The following CSMD1 variants were observed in gnomAD, a reference collection of about 807,000 sequenced individuals.
CSMD1 encodes CUB and sushi domain-containing protein 1.
CSMD1 carries 213 observed loss-of-function variants against 417.5 expected under a neutral mutation model. The observed-to-expected ratio is 0.51, with a 90% CI of 0.46 to 0.57. CSMD1 has a LOEUF of 0.57. Among genes scored for constraint, CSMD1 ranks in the 20% least tolerant of loss-of-function variants. The pLI is 0.00. For missense variants in CSMD1, 6,923 were observed against 4,529.7 expected, an observed-to-expected ratio of 1.53 and a Z score of -15.17; for synonymous variants, 2,862 against 1,736.8, an observed-to-expected ratio of 1.65 and a Z score of -16.11.
chr8:3,887,200 A>C (rs1211426463), intron 5 of CSMD1, among the ~76,000 whole-genome samples: 1 of 152,160 alleles, frequency 6.6e-6, no homozygotes, highest in African/African-American at 2.4e-5. Context: ...GCCCAGAGGC[A>C]ATCAGCGTCA....
chr8:4,820,505 G>T (rs17071587), intron 1 of CSMD1, among the ~76,000 whole-genome samples: 1 of 151,946 alleles, frequency 6.6e-6, no homozygotes, highest in Non-Finnish European at 1.5e-5. Flanking sequence ...TAAGGAAATG[G>T]CCAACCTCCT....
intron 12 of CSMD1, among the ~76,000 whole-genome samples, chr8:3,452,159 C>T (rs62505629): frequency 0.088 from 13,340 of 152,164 alleles, 641 homozygotes; most frequent in Middle Eastern, 0.13. Flanking sequence ...TTTTTGCACA[C>T]TGATTTTGTA....
At chr8:4,055,993 G>T (rs2554526) in intron 3 of CSMD1, among the ~76,000 whole-genome samples, 1 of 150,512 alleles carries the variant, frequency 6.6e-6, no homozygotes, top group Non-Finnish European at 1.5e-5. Context: ...AGAAGGCTCT[G>T]TTATGGAAAA....
intron 3 of CSMD1, among the ~76,000 whole-genome samples, chr8:4,290,362 G>T (rs190889828): frequency 3.3e-5 from 5 of 152,196 alleles, no homozygotes; most frequent in Admixed American, 2.0e-4. Flanking sequence ...CATCTGAATG[G>T]AGGGAGAGAA....
At chr8:4,186,637 A>AT (rs1158569283) in intron 3 of CSMD1, among the ~76,000 whole-genome samples, 26 of 152,236 alleles carry the variant, frequency 1.7e-4, no homozygotes, top group South Asian at 4.1e-4. Flanking sequence ...AGAGGCTATT[A>AT]TTTTTAGATG....
rs576639336 is a variant in CSMD1, at chr8:4,980,477, G to A, written c.85+13855C>T. On this transcript the variant is annotated intron_variant, in intron 1 of 69. Coordinates refer to ENST00000635120, the MANE Select transcript of CSMD1 (RefSeq NM_033225.6). ...CTTTCAAGAGGCCTGTGGGCCTCCT[G>A]GGAGAAACACTGTAAAATGAAAGGA... Among the ~76,000 whole-genome samples the A allele has an allele frequency of 4.6e-5, 7 of 152,276 alleles. 1 individual carries two copies. In the South Asian group the frequency reaches 1.5e-3, roughly 32 times the overall value.
At chr8:3,880,791 T>C (rs1806156981) in intron 5 of CSMD1, among the ~76,000 whole-genome samples, 2 of 152,198 alleles carry the variant, frequency 1.3e-5, no homozygotes, top group African/African-American at 2.4e-5. Flanking sequence ...ATGTATTTTC[T>C]TTTAGATGGT....
At chr8:4,765,900 A>G (rs1812432044) in intron 1 of CSMD1, among the ~76,000 whole-genome samples, 1 of 152,204 alleles carries the variant, frequency 6.6e-6, no homozygotes, top group Admixed American at 6.5e-5. Flanking sequence ...AAACATTTAT[A>G]TCATTAAATG....
intron 57 of CSMD1, among the ~76,000 whole-genome samples, chr8:2,966,994 T>G (rs907277886): frequency 6.6e-6 from 1 of 152,362 alleles, no homozygotes; most frequent in Non-Finnish European, 1.5e-5. Flanking sequence ...CTAAACAAAT[T>G]AAAACATGAG....
At chr8:4,799,896 T>G (rs1378748442) in intron 1 of CSMD1, among the ~76,000 whole-genome samples, 2 of 152,142 alleles carry the variant, frequency 1.3e-5, no homozygotes, top group Non-Finnish European at 2.9e-5. Context: ...AGACCTGGAC[T>G]GGTAAAATGA....
intron 49 of CSMD1, among the ~76,000 whole-genome samples, chr8:3,072,087 T>A (rs1013662610): frequency 7.2e-5 from 11 of 152,210 alleles, no homozygotes; most frequent in African/African-American, 2.7e-4. Context: ...AGAAAATCAA[T>A]AGTACCTCAG....
intron 2 of CSMD1, among the ~76,000 whole-genome samples, chr8:4,534,078 T>G: frequency 6.6e-6 from 1 of 152,126 alleles, no homozygotes; most frequent in Non-Finnish European, 1.5e-5. Context: ...AGGACACAAT[T>G]ATCTCAACAG....
intron 8 of CSMD1, among the ~76,000 whole-genome samples, chr8:3,596,546 G>C (rs1801103394): frequency 6.6e-6 from 1 of 152,080 alleles, no homozygotes. Flanking sequence ...TTAAATCCGT[G>C]GTTGATCAGT....
chr8:3,151,788 ATGTT>A (rs1270802264), intron 39 of CSMD1, among the ~76,000 whole-genome samples: 1 of 152,172 alleles, frequency 6.6e-6, no homozygotes, highest in Admixed American at 6.5e-5. Flanking sequence ...AGTCCATGTA[ATGTT>A]TGCGTCACAG....
chr8:3,216,008 A>G (rs1176090794), intron 29 of CSMD1, among the ~76,000 whole-genome samples: 1 of 149,254 alleles, frequency 6.7e-6, no homozygotes, highest in Non-Finnish European at 1.5e-5. Context: ...TTAATAAACT[A>G]TATTTCCTAT....
At chr8:3,589,678 A>C (rs1424838593) in intron 8 of CSMD1, among the ~76,000 whole-genome samples, 1 of 151,978 alleles carries the variant, frequency 6.6e-6, no homozygotes, top group Non-Finnish European at 1.5e-5. Context: ...CAGGAGATCT[A>C]CTACACAGCA....
chr8:4,523,940 G>C (rs1210750461), intron 2 of CSMD1, among the ~76,000 whole-genome samples: 1 of 152,042 alleles, frequency 6.6e-6, no homozygotes, highest in Non-Finnish European at 1.5e-5. Context: ...AATGCTCTGT[G>C]AAAGTCCAGG....
chr8:3,901,750 G>A (rs748649412), intron 5 of CSMD1, among the ~76,000 whole-genome samples: 6 of 152,182 alleles, frequency 3.9e-5, no homozygotes, highest in South Asian at 4.1e-4. Flanking sequence ...AACGCTTTTC[G>A]ATGTGACAAG....
intron 1 of CSMD1, among the ~76,000 whole-genome samples, chr8:4,773,318 G>A (rs112935976): frequency 5.3e-5 from 8 of 152,260 alleles, no homozygotes; most frequent in African/African-American, 1.9e-4. Context: ...TAAACTTGCA[G>A]TTCTGCCTTC....
Sources: allele counts gnomAD v4.1 joint callset (sites outside exome capture counted in the v4.1 genomes callset), GRCh38; gene constraint gnomAD v4.1.1; transcripts MANE v1.5; gene names NCBI Gene and HGNC (gene_info 2026-07-23, HGNC 2026-07-21).